Variants in EYS observed in about 807,000 individuals in gnomAD.
EYS encodes the protein EGF-like photoreceptor maintenance factor.
In EYS, 250 loss-of-function variants were observed where a neutral mutation model predicts 282.1. That is an observed-to-expected ratio of 0.89 (90% CI 0.80 to 0.98). The LOEUF (loss-of-function observed/expected upper bound fraction) is 0.98, where lower values mean the gene tolerates loss of function less well. Among genes scored for constraint, EYS ranks in the 50% least tolerant of loss-of-function variants. EYS has a pLI of 0.00. For missense variants in EYS, 4,016 were observed against 3,709.0 expected, an observed-to-expected ratio of 1.08 and a Z score of -2.15; for synonymous variants, 1,355 against 1,282.9, an observed-to-expected ratio of 1.06 and a Z score of -1.20.
At chr6:63,980,854 C>G (rs1252092911) in intron 35 of EYS, among the ~76,000 whole-genome samples, 2 of 151,860 alleles carry the variant, frequency 1.3e-5, no homozygotes, top group Non-Finnish European at 2.9e-5. Context: ...GAGAAATCCA[C>G]TTTATGATAT....
At chr6:64,720,104 A>G (rs1338273526) in intron 22 of EYS, among the ~76,000 whole-genome samples, 6 of 152,186 alleles carry the variant, frequency 3.9e-5, no homozygotes, top group Non-Finnish European at 8.8e-5. Context: ...AATGTATCAG[A>G]GGGCATAGGG....
At chr6:65,169,541 C>A (rs1293083649) in intron 12 of EYS, among the ~76,000 whole-genome samples, 2 of 151,130 alleles carry the variant, frequency 1.3e-5, no homozygotes, top group Middle Eastern at 3.2e-3. Context: ...CAGATAAAGC[C>A]AAAATAAATC....
intron 29 of EYS, among the ~76,000 whole-genome samples, chr6:64,362,869 T>A (rs567599418): frequency 9.0e-4 from 136 of 150,902 alleles, no homozygotes; most frequent in Non-Finnish European, 1.7e-3. Context: ...TCATTTAATC[T>A]GTTAAAATTT....
At chr6:65,597,437 C>T (rs1200408063) in intron 2 of EYS, among the ~76,000 whole-genome samples, 1 of 152,056 alleles carries the variant, frequency 6.6e-6, no homozygotes, top group South Asian at 2.1e-4. Flanking sequence ...CCAGTGTACT[C>T]CCAGTACTAA....
At chr6:64,904,014 A>C (rs1767747012) in intron 16 of EYS, among the ~76,000 whole-genome samples, 1 of 152,216 alleles carries the variant, frequency 6.6e-6, no homozygotes, top group African/African-American at 2.4e-5. Flanking sequence ...CACATATCAA[A>C]AGTTATATTA....
At chr6:64,846,841 A>T (rs950898909) in intron 19 of EYS, among the ~76,000 whole-genome samples, 7 of 152,112 alleles carry the variant, frequency 4.6e-5, no homozygotes, top group African/African-American at 1.7e-4. Flanking sequence ...TAGTTTACTC[A>T]AAAAGTAAAA....
chr6:63,981,727 A>G (rs1464648875), intron 35 of EYS, among the ~76,000 whole-genome samples: 1 of 151,870 alleles, frequency 6.6e-6, no homozygotes, highest in East Asian at 1.9e-4. Flanking sequence ...AGATTTAGAA[A>G]TGAGGATGGA....
At chr6:64,946,051 C>T in intron 14 of EYS, 137 bp from the exon 15 acceptor site, 1 of 608,400 alleles carries the variant, frequency 1.6e-6, no homozygotes, top group South Asian at 3.3e-5. Flanking sequence ...ATACTCCCCC[C>T]AAATGACTTT....
chr6:63,820,938 C>A (rs1771306492), intron 36 of EYS, among the ~76,000 whole-genome samples: 1 of 151,972 alleles, frequency 6.6e-6, no homozygotes, highest in Admixed American at 6.6e-5. Flanking sequence ...TGTTGTTATA[C>A]ATATTATTCT....
rs9452843 is a variant in EYS, at chr6:64,777,419, T to C, written c.3443+35959A>G. On this transcript the variant is annotated intron_variant, in intron 22 of 42. Coordinates refer to ENST00000503581, the MANE Select transcript of EYS (RefSeq NM_001142800.2). ...AAGTTAAATAAACAAAAGAAAGAAA[T>C]GGCATCTAAAAGGACAAAAAAATAA... Among the ~76,000 whole-genome samples, 404 of 152,140 alleles carry C rather than the reference T, an allele frequency of 2.7e-3. 2 individuals carry two copies. The highest frequency in any genetic ancestry group is 8.1e-3 in the African/African-American group (338 of 41,520).
chr6:65,466,346 C>T lies in EYS; in HGVS notation c.862+24248G>A, dbSNP rs540952830. On this transcript the variant is annotated intron_variant, in intron 5 of 42. Transcript: ENST00000503581. The stretch of plus-strand genomic sequence containing the variant: ...ACACTTAGACCTAGAATATAAAATA[C>T]GACATTAAGCAAATGAGTCGAAAGA... Among the ~76,000 whole-genome samples, 900 of 151,732 alleles carry T rather than the reference C, an allele frequency of 5.9e-3. 18 individuals are homozygous for T. The highest frequency in any genetic ancestry group is 0.043 in the South Asian group (205 of 4,792).
chr6:64,751,553 G>A (rs527832536), intron 22 of EYS, among the ~76,000 whole-genome samples: 16 of 152,328 alleles, frequency 1.1e-4, no homozygotes, highest in South Asian at 8.3e-4. Context: ...CTGGGGCTGA[G>A]CACAGAGACA....
At position 64,686,622 on chromosome 6, in the gene EYS, T is replaced by A. The variant is rs936962313; in HGVS notation, c.3444-60377A>T. On this transcript the variant is annotated intron_variant, in intron 22 of 42. Transcript: ENST00000503581. ...GGGCCATGGTGGCCGGCCCCTGTAG[T>A]CCCAGCTACTCGGGAGGCTGAGGCA... 4.7e-5 allele frequency among the ~76,000 whole-genome samples: 7 copies of A among 148,820 alleles called. No homozygotes were observed. The Admixed American group carries it at 4.7e-4, about 10-fold the overall frequency.
intron 26 of EYS, among the ~76,000 whole-genome samples, chr6:64,548,357 T>C (rs1210111084): frequency 2.0e-5 from 3 of 152,210 alleles, no homozygotes; most frequent in Admixed American, 6.5e-5. Flanking sequence ...TAAATCATGC[T>C]GCTATAAAGA....
At chr6:64,684,612 T>C (rs1463706069) in intron 22 of EYS, among the ~76,000 whole-genome samples, 2 of 151,820 alleles carry the variant, frequency 1.3e-5, no homozygotes, top group Admixed American at 6.6e-5. Context: ...GAGAGAGATA[T>C]ATATGTATAT....
chr6:63,961,234 G>A (rs1489693650), intron 35 of EYS, among the ~76,000 whole-genome samples: 1 of 152,176 alleles, frequency 6.6e-6, no homozygotes, highest in Admixed American at 6.6e-5. Flanking sequence ...CATATCCCCT[G>A]TGACTTGCAC....
At chr6:64,536,722 G>C (rs1394829033) in intron 26 of EYS, among the ~76,000 whole-genome samples, 1 of 151,818 alleles carries the variant, frequency 6.6e-6, no homozygotes, top group African/African-American at 2.4e-5. Context: ...GTAAAAGAGA[G>C]ATAAATAGCA....
chr6:64,975,909 AT>A (rs1248813388), intron 14 of EYS, among the ~76,000 whole-genome samples: 1 of 151,836 alleles, frequency 6.6e-6, no homozygotes, highest in Non-Finnish European at 1.5e-5. Context: ...ATTTTATGTG[AT>A]TTTTTTAAAA....
chr6:65,047,367 C>T (rs184723351), intron 13 of EYS, among the ~76,000 whole-genome samples: 93 of 151,884 alleles, frequency 6.1e-4, no homozygotes, highest in African/African-American at 2.0e-3. Flanking sequence ...CACTGTTGAT[C>T]TTGACAAAGT....
Sources: allele counts gnomAD v4.1 joint callset (sites outside exome capture counted in the v4.1 genomes callset), GRCh38; gene constraint gnomAD v4.1.1; transcripts MANE v1.5; gene names NCBI Gene and HGNC (gene_info 2026-07-23, HGNC 2026-07-21).